VPS8: variants seen among roughly 807,000 people sequenced by gnomAD.
VPS8 encodes the protein vacuolar protein sorting-associated protein 8 homolog.
A neutral mutation model predicts 216.4 loss-of-function variants in VPS8; 129 were observed. The observed-to-expected ratio is 0.60, with a 90% CI of 0.52 to 0.69. VPS8 has a LOEUF of 0.69. Among genes scored for constraint, VPS8 ranks in the 30% least tolerant of loss-of-function variants. VPS8 has a pLI of 0.00. For synonymous variants in VPS8, 571 were observed against 565.4 expected, an observed-to-expected ratio of 1.01 and a Z score of -0.14; for missense variants, 1,531 against 1,683.5, an observed-to-expected ratio of 0.91 and a Z score of 1.59.
chr3:184,883,321 T>C (rs76890358), intron 21 of VPS8, among the ~76,000 whole-genome samples: 4,071 of 152,318 alleles, frequency 0.027, 192 homozygotes, highest in African/African-American at 0.093. Flanking sequence ...TCTGTAATTC[T>C]AACCCAGATG....
At chr3:184,917,387 T>A (rs1037700656) in intron 28 of VPS8, among the ~76,000 whole-genome samples, 7 of 152,054 alleles carry the variant, frequency 4.6e-5, no homozygotes, top group Admixed American at 4.6e-4. Context: ...CAATAAAAAA[T>A]TTGGACTTCC....
chr3:184,929,933 A>G (rs576296430), intron 33 of VPS8, among the ~76,000 whole-genome samples: 1 of 152,198 alleles, frequency 6.6e-6, no homozygotes, highest in African/African-American at 2.4e-5. Context: ...ACTGACTTAC[A>G]CAGAGTAGCC....
chr3:184,901,895 A>G (rs1256740496), intron 25 of VPS8, among the ~76,000 whole-genome samples: 2 of 152,162 alleles, frequency 1.3e-5, no homozygotes, highest in Admixed American at 6.5e-5. Context: ...ACCATTTCTC[A>G]TCAACAATAC....
chr3:185,026,937 C>T (rs903252621), intron 46 of VPS8, among the ~76,000 whole-genome samples: 2 of 151,988 alleles, frequency 1.3e-5, no homozygotes, highest in African/African-American at 4.8e-5. Flanking sequence ...TCTCAATCTC[C>T]TGACTTCGTG....
intron 5 of VPS8, among the ~76,000 whole-genome samples, chr3:184,835,902 G>A (rs1320981185): frequency 1.3e-5 from 2 of 151,818 alleles, no homozygotes; most frequent in Non-Finnish European, 2.9e-5. Flanking sequence ...GTAGAGACAC[G>A]GTTTCAACGT....
At chr3:185,049,778 G>A (rs1713773099) in intron 47 of VPS8, among the ~76,000 whole-genome samples, 1 of 151,896 alleles carries the variant, frequency 6.6e-6, no homozygotes, top group Non-Finnish European at 1.5e-5. Context: ...TTCTCTACCT[G>A]GGCCCCCTTC....
intron 21 of VPS8, among the ~76,000 whole-genome samples, chr3:184,874,296 A>G (rs35300632): frequency 0.037 from 5,602 of 152,266 alleles, 351 homozygotes; most frequent in African/African-American, 0.13. Context: ...TGTGGCTGGA[A>G]TAGATTAGTA....
chr3:184,865,553 A>C (rs1727180831), intron 16 of VPS8, among the ~76,000 whole-genome samples: 1 of 152,182 alleles, frequency 6.6e-6, no homozygotes, highest in Non-Finnish European at 1.5e-5. Flanking sequence ...ATACTGCTTC[A>C]CACCCACTGG....
chr3:184,979,697 C>T (rs139408936), intron 40 of VPS8, among the ~76,000 whole-genome samples: 205 of 152,194 alleles, frequency 1.3e-3, no homozygotes, highest in East Asian at 0.011. Flanking sequence ...GGTATCATTG[C>T]GTGTAAGATG....
chr3:184,971,554 G>C, intron 39 of VPS8, 95 bp from the exon 40 acceptor site: 1 of 766,852 alleles, frequency 1.3e-6, no homozygotes, highest in Admixed American at 2.9e-5. Flanking sequence ...GAAAATGAAG[G>C]TGATGCAAAG....
intron 2 of VPS8, 65 bp downstream of exon 2, chr3:184,824,850 A>ATTT (rs1310090481): frequency 1.4e-6 from 2 of 1,455,226 alleles, no homozygotes; most frequent in Non-Finnish European, 1.9e-6. Context: ...ATGCTTTGTG[A>ATTT]CCCAGAGACT....
Position 185,024,327 on chromosome 3 carries a change from T to G in VPS8, c.4003-9T>G, listed in dbSNP as rs1757058349. The G allele has an allele frequency of 6.3e-7, 1 of 1,582,382 alleles. No homozygotes were observed. Among genetic ancestry groups the G allele is most frequent in the African/African-American group, 1.3e-5 (1 of 74,614 alleles). On this transcript the variant is annotated splice_polypyrimidine_tract_variant and intron_variant, in intron 45 of 47. Coordinates refer to ENST00000625842, the MANE Select transcript of VPS8 (RefSeq NM_001009921.3). The stretch of plus-strand genomic sequence containing the variant: ...AAAGGGTATTAAAATGTTTGCCTTT[T>G]TTTTCCAGGTAAAAATGTCTCCATC...
intron 47 of VPS8, among the ~76,000 whole-genome samples, chr3:185,049,085 G>C (rs900398643): frequency 6.6e-6 from 1 of 152,136 alleles, no homozygotes; most frequent in African/African-American, 2.4e-5. Context: ...ACTTAAACTC[G>C]TATGGTTCAA....
chr3:184,939,571 T>C (rs960920229), intron 35 of VPS8, among the ~76,000 whole-genome samples: 3 of 141,218 alleles, frequency 2.1e-5, no homozygotes, highest in Non-Finnish European at 4.7e-5. Context: ...TTTTTTTTTT[T>C]CCACATAAGG....
chr3:185,031,816 T>C (rs1188632461), intron 46 of VPS8, among the ~76,000 whole-genome samples: 1 of 152,206 alleles, frequency 6.6e-6, no homozygotes, highest in South Asian at 2.1e-4. Flanking sequence ...TTTGGACTAG[T>C]TGATTTTTAG....
At chr3:185,022,813 T>C (rs980303723) in intron 45 of VPS8, among the ~76,000 whole-genome samples, 6 of 152,182 alleles carry the variant, frequency 3.9e-5, no homozygotes, top group Admixed American at 6.5e-5. Flanking sequence ...TTTTGCTGCT[T>C]ATTATTTACT....
At chr3:185,027,345 C>T (rs1241190094) in intron 46 of VPS8, among the ~76,000 whole-genome samples, 1 of 150,604 alleles carries the variant, frequency 6.6e-6, no homozygotes, top group East Asian at 2.0e-4. Context: ...CGGGTTCACG[C>T]CATTCTCCTG....
chr3:184,847,851 T>C lies in VPS8; in HGVS notation c.542-1220T>C, dbSNP rs184939781. Among the ~76,000 whole-genome samples the C allele has an allele frequency of 2.2e-3, 339 of 152,300 alleles. 1 individual carries two copies. Among genetic ancestry groups the C allele is most frequent in the African/African-American group, 7.9e-3 (327 of 41,570 alleles). On this transcript the variant is annotated intron_variant, in intron 8 of 47. Coordinates refer to ENST00000625842, the MANE Select transcript of VPS8 (RefSeq NM_001009921.3). Reference sequence around the variant, plus strand: ...GATTAAGGCAAGATCCTCGCCCTTATCACCCTTAACAAACTTAATCTAATA... The same window carrying C: ...GATTAAGGCAAGATCCTCGCCCTTACCACCCTTAACAAACTTAATCTAATA...
intron 25 of VPS8, among the ~76,000 whole-genome samples, chr3:184,907,115 C>T (rs1008684651): frequency 2.6e-5 from 4 of 152,232 alleles, no homozygotes; most frequent in Non-Finnish European, 4.4e-5. Context: ...CATGAGACAT[C>T]GATCAATACG....
Sources: allele counts gnomAD v4.1 joint callset (sites outside exome capture counted in the v4.1 genomes callset), GRCh38; gene constraint gnomAD v4.1.1; transcripts MANE v1.5; gene names NCBI Gene and HGNC (gene_info 2026-07-23, HGNC 2026-07-21).